The following SNTB1 variants were observed in gnomAD, a reference collection of about 807,000 sequenced individuals.
The protein encoded by SNTB1 is syntrophin beta 1.
A neutral mutation model predicts 48.9 loss-of-function variants in SNTB1; 36 were observed. That is an observed-to-expected ratio of 0.74 (90% confidence interval 0.56 to 0.97). SNTB1 has a LOEUF of 0.97. Among genes scored for constraint, SNTB1 ranks in the 50% least tolerant of loss-of-function variants. The pLI is 0.00. For missense variants in SNTB1, 786 were observed against 703.4 expected, an observed-to-expected ratio of 1.12 and a Z score of -1.33; for synonymous variants, 299 against 294.6, an observed-to-expected ratio of 1.01 and a Z score of -0.15.
chr8:120,783,322 A>T (rs1819861093), intron 1 of SNTB1, among the ~76,000 whole-genome samples: 1 of 152,158 alleles, frequency 6.6e-6, no homozygotes, highest in Non-Finnish European at 1.5e-5. Flanking sequence ...TTGCTTTTTT[A>T]AAATTTATAA....
At chr8:120,640,644 T>C (rs1817176808) in intron 2 of SNTB1, among the ~76,000 whole-genome samples, 1 of 152,192 alleles carries the variant, frequency 6.6e-6, no homozygotes. Flanking sequence ...AACCATGTGG[T>C]TTTTGTCTTT....
chr8:120,806,517 G>A (rs116222769), intron 1 of SNTB1, among the ~76,000 whole-genome samples: 4 of 152,040 alleles, frequency 2.6e-5, no homozygotes, highest in South Asian at 2.1e-4. Context: ...TACTACTAGG[G>A]CGTTCTATTG....
intron 2 of SNTB1, among the ~76,000 whole-genome samples, chr8:120,689,164 A>G (rs947743785): frequency 5.9e-5 from 9 of 152,220 alleles, no homozygotes; most frequent in South Asian, 2.1e-4. Flanking sequence ...CTGCTGTTCT[A>G]TGGCTGTTGT....
In SNTB1 at chr8:120,636,511, C is replaced by T. The variant is rs373214515; in HGVS notation, c.789-3860G>A. On this transcript the variant is annotated intron_variant, in intron 2 of 6. Coordinates refer to ENST00000517992, the MANE Select transcript of SNTB1 (RefSeq NM_021021.4). ...TGCGGTGTTTGGTTTTTTGTTCTTG[C>T]GATAGTTTACTGAGAATGATGATTT... Among the ~76,000 whole-genome samples, 19 of 135,426 alleles carry T rather than the reference C, an allele frequency of 1.4e-4. 1 individual carries two copies. The highest frequency in any genetic ancestry group is 3.0e-4 in the African/African-American group (11 of 36,466). 88.8% of individuals were successfully genotyped at this position (135,426 alleles called of 152,430 possible).
chr8:120,647,042 T>C (rs1817309317), intron 2 of SNTB1, among the ~76,000 whole-genome samples: 1 of 148,896 alleles, frequency 6.7e-6, no homozygotes, highest in Admixed American at 6.7e-5. Flanking sequence ...TGCGTCTATT[T>C]GATTCTTCTC....
At chr8:120,652,108 C>G (rs1002515089) in intron 2 of SNTB1, among the ~76,000 whole-genome samples, 1 of 152,142 alleles carries the variant, frequency 6.6e-6, no homozygotes, top group African/African-American at 2.4e-5. Flanking sequence ...AGGAGAAGGA[C>G]GGGCCATAGG....
chr8:120,688,111 A>G (rs775038584), intron 2 of SNTB1, among the ~76,000 whole-genome samples: 2 of 152,242 alleles, frequency 1.3e-5, no homozygotes, highest in Non-Finnish European at 2.9e-5. Context: ...CCATTAATAG[A>G]GATGTACACT....
chr8:120,557,301 T>C (rs983171851), intron 4 of SNTB1, among the ~76,000 whole-genome samples: 4 of 152,208 alleles, frequency 2.6e-5, no homozygotes, highest in African/African-American at 9.6e-5. Context: ...AAAGCCCGTG[T>C]TTCCATCAAA....
At chr8:120,731,956 G>T (rs1031609820) in intron 1 of SNTB1, among the ~76,000 whole-genome samples, 3 of 152,170 alleles carry the variant, frequency 2.0e-5, no homozygotes, top group Non-Finnish European at 4.4e-5. Flanking sequence ...CATGGGAATG[G>T]GGGTAGTGTA....
At chr8:120,799,692 T>C (rs1820185098) in intron 1 of SNTB1, among the ~76,000 whole-genome samples, 1 of 152,064 alleles carries the variant, frequency 6.6e-6, no homozygotes, top group South Asian at 2.1e-4. Flanking sequence ...GATTTCCGCA[T>C]GCAGATAGTG....
At position 120,606,138 on chromosome 8, in the gene SNTB1, C is replaced by T. The variant is rs145770703; in HGVS notation, c.996+26306G>A. Among the ~76,000 whole-genome samples the T allele has an allele frequency of 5.1e-3, 749 of 147,680 alleles. 6 individuals are homozygous for T. The highest frequency in any genetic ancestry group is 8.2e-3 in the Non-Finnish European group (546 of 66,684). On this transcript the variant is annotated intron_variant, in intron 3 of 6. Coordinates refer to ENST00000517992, the MANE Select transcript of SNTB1 (RefSeq NM_021021.4). ...TTATGCAAACATCTTAAAGTAATAG[C>T]TATTACCCTAAAATTATATACTGAT...
At chr8:120,643,277 T>G (rs1194004768) in intron 2 of SNTB1, among the ~76,000 whole-genome samples, 6 of 152,210 alleles carry the variant, frequency 3.9e-5, no homozygotes, top group Admixed American at 3.3e-4. Flanking sequence ...TTTCTCTGAT[T>G]TTTAGATTTC....
intron 2 of SNTB1, among the ~76,000 whole-genome samples, chr8:120,642,013 A>G (rs141332664): frequency 2.0e-5 from 3 of 152,320 alleles, no homozygotes; most frequent in African/African-American, 7.2e-5. Context: ...CAGTATTTGC[A>G]TGCAAATTAT....
At chr8:120,709,560 G>T (rs1008812520) in intron 1 of SNTB1, among the ~76,000 whole-genome samples, 6 of 152,158 alleles carry the variant, frequency 3.9e-5, no homozygotes, top group African/African-American at 1.4e-4. Context: ...GTTTTACATA[G>T]ATTACATCTT....
intron 1 of SNTB1, chr8:120,761,411 A>G (rs980785436): frequency 6.6e-6 from 1 of 152,230 alleles, no homozygotes; most frequent in South Asian, 2.1e-4. Flanking sequence ...GTTAACTCCT[A>G]TGTTAGCAGC....
At chr8:120,666,599 G>T (rs113288627) in intron 2 of SNTB1, among the ~76,000 whole-genome samples, 4,347 of 152,114 alleles carry the variant, frequency 0.029, 208 homozygotes, top group African/African-American at 0.099. Flanking sequence ...TGCACGTATG[G>T]TTTATTGAGC....
At chr8:120,758,316 A>G (rs12334938) in intron 1 of SNTB1, among the ~76,000 whole-genome samples, 18,545 of 152,166 alleles carry the variant, frequency 0.12, 3,741 homozygotes, top group African/African-American at 0.42. Flanking sequence ...TAACACTGAC[A>G]CACATGGGTT....
chr8:120,549,652 T>G (rs1815445450), intron 4 of SNTB1, among the ~76,000 whole-genome samples: 1 of 152,222 alleles, frequency 6.6e-6, no homozygotes. Flanking sequence ...GTAAATATTT[T>G]CTGAAAGGCC....
intron 2 of SNTB1, among the ~76,000 whole-genome samples, chr8:120,675,775 GC>G (rs1280964835): frequency 1.7e-4 from 26 of 152,148 alleles, no homozygotes; most frequent in Admixed American, 1.7e-3. Flanking sequence ...AACTATCTTT[GC>G]CACAATTCCC....
Sources: gnomAD v4.1 joint callset for allele counts (sites outside exome capture counted in the v4.1 genomes callset) on GRCh38, gnomAD v4.1.1 for gene constraint, MANE v1.5 for transcripts, NCBI Gene and HGNC (gene_info 2026-07-23, HGNC 2026-07-21) for gene names.